SPATA16: variants seen among roughly 807,000 people sequenced by gnomAD.
The protein encoded by SPATA16 is spermatogenesis-associated protein 16.
A neutral mutation model predicts 63.3 loss-of-function variants in SPATA16; 36 were observed. That is an observed-to-expected ratio of 0.57 (90% CI 0.44 to 0.75). The LOEUF is 0.75. SPATA16 is among the 30% of genes least tolerant of loss of function. The pLI is 0.00. For synonymous variants in SPATA16, 203 were observed against 216.7 expected (o/e 0.94, Z 0.56); for missense variants, 646 against 679.3 (o/e 0.95, Z 0.54).
At chr3:173,088,176 C>T (rs1223721912) in intron 2 of SPATA16, among the ~76,000 whole-genome samples, 1 of 150,480 alleles carries the variant, frequency 6.6e-6, no homozygotes, top group African/African-American at 2.5e-5. Flanking sequence ...CCTCCGCCTC[C>T]CAGGTTCAAG....
chr3:172,946,883 GGAGGGAC>G (rs1273987002), intron 6 of SPATA16, among the ~76,000 whole-genome samples: 2 of 152,190 alleles, frequency 1.3e-5, no homozygotes, highest in African/African-American at 4.8e-5. Flanking sequence ...GTGGGTCTTG[GGAGGGAC>G]CCAGTGCTTT....
At chr3:172,894,103 T>A (rs188808588) in intron 10 of SPATA16, among the ~76,000 whole-genome samples, 6 of 152,296 alleles carry the variant, frequency 3.9e-5, no homozygotes, top group Non-Finnish European at 8.8e-5. Context: ...ACCAAAATCC[T>A]CTCGGTAAAA....
chr3:172,913,845 A>T, intron 9 of SPATA16, 101 bp from the exon 10 acceptor site: 1 of 1,025,034 alleles, frequency 9.8e-7, no homozygotes, highest in Admixed American at 2.0e-5. Flanking sequence ...TTGTACGCTG[A>T]TGATTTTATT....
chr3:173,104,137 G>A (rs1315291311), intron 2 of SPATA16, among the ~76,000 whole-genome samples: 1 of 152,134 alleles, frequency 6.6e-6, no homozygotes, highest in East Asian at 1.9e-4. Context: ...TTCCATCTGA[G>A]ACTTCATCAG....
intron 10 of SPATA16, among the ~76,000 whole-genome samples, chr3:172,892,130 C>T (rs184655753): frequency 6.6e-6 from 1 of 152,252 alleles, no homozygotes; most frequent in East Asian, 1.9e-4. Flanking sequence ...GCATTCTTTT[C>T]TTCTATAAAT....
intron 6 of SPATA16, among the ~76,000 whole-genome samples, chr3:172,928,087 T>G (rs1324266659): frequency 6.6e-6 from 1 of 151,988 alleles, no homozygotes; most frequent in Non-Finnish European, 1.5e-5. Flanking sequence ...TTTTGTATTT[T>G]TAGTAGAGAT....
intron 6 of SPATA16, among the ~76,000 whole-genome samples, chr3:172,932,714 AAC>A (rs1013352761): frequency 2.6e-5 from 4 of 152,300 alleles, no homozygotes; most frequent in South Asian, 2.1e-4. Context: ...TACTTTTAAA[AAC>A]AGATAGTATA....
chr3:172,923,472 T>G (rs1267592755), intron 8 of SPATA16, among the ~76,000 whole-genome samples: 3 of 152,198 alleles, frequency 2.0e-5, no homozygotes, highest in Admixed American at 2.0e-4. Flanking sequence ...AAATCAATGA[T>G]GTAACACAAA....
intron 2 of SPATA16, among the ~76,000 whole-genome samples, chr3:173,092,785 A>G (rs190993553): frequency 2.0e-5 from 3 of 152,302 alleles, no homozygotes; most frequent in African/African-American, 7.2e-5. Flanking sequence ...AGTTAACCAC[A>G]GAAAACAAAT....
intron 4 of SPATA16, among the ~76,000 whole-genome samples, chr3:172,984,100 T>A (rs2108256413): frequency 6.6e-6 from 1 of 152,296 alleles, no homozygotes; most frequent in South Asian, 2.1e-4. Context: ...ACTAGCCATC[T>A]GTGGTTATTT....
At chr3:172,948,694 CTGGGTTCAAGT>C (rs1733355819) in intron 6 of SPATA16, among the ~76,000 whole-genome samples, 1 of 152,020 alleles carries the variant, frequency 6.6e-6, no homozygotes, top group Non-Finnish European at 1.5e-5. Flanking sequence ...TCTTGAACTC[CTGGGTTCAAGT>C]GATTCTCCCA....
chr3:173,005,327 G>GAAA (rs531594936), intron 4 of SPATA16, among the ~76,000 whole-genome samples: 1 of 78,814 alleles, frequency 1.3e-5, no homozygotes, highest in African/African-American at 4.5e-5. Flanking sequence ...TGTCTCAAAA[G>GAAA]AAAAAAAAAA....
intron 3 of SPATA16, among the ~76,000 whole-genome samples, chr3:173,046,635 A>C (rs1290232210): frequency 6.6e-6 from 1 of 152,070 alleles, no homozygotes; most frequent in Non-Finnish European, 1.5e-5. Flanking sequence ...ATTAGTATCA[A>C]CTTTCACAAT....
intron 1 of SPATA16, among the ~76,000 whole-genome samples, chr3:173,121,429 G>A (rs1738070374): frequency 1.3e-5 from 2 of 152,042 alleles, no homozygotes; most frequent in Admixed American, 1.3e-4. Context: ...TTCATTTTCA[G>A]TCTGTCAACT....
intron 4 of SPATA16, among the ~76,000 whole-genome samples, chr3:173,009,628 G>A (rs1031456761): frequency 6.6e-6 from 1 of 152,232 alleles, no homozygotes; most frequent in African/African-American, 2.4e-5. Context: ...AGCAGCCGCA[G>A]TGCTCAGGAG....
intron 2 of SPATA16, among the ~76,000 whole-genome samples, chr3:173,086,502 A>C (rs11918563): frequency 0.037 from 5,573 of 151,858 alleles, 349 homozygotes; most frequent in African/African-American, 0.13. Context: ...TGGATTCATA[A>C]ATTTCTTGAA....
intron 8 of SPATA16, among the ~76,000 whole-genome samples, chr3:172,920,374 G>T (rs995125657): frequency 6.6e-6 from 1 of 152,188 alleles, no homozygotes; most frequent in Admixed American, 6.5e-5. Flanking sequence ...TAATGACCAG[G>T]ACTGCTCTGT....
chr3:172,964,751 T>G (rs1009933015), intron 5 of SPATA16, among the ~76,000 whole-genome samples: 1 of 152,206 alleles, frequency 6.6e-6, no homozygotes, highest in Admixed American at 6.5e-5. Context: ...TACACACAAC[T>G]AATTAATGGC....
chr3:173,079,927 G>A (rs181327852), intron 2 of SPATA16, among the ~76,000 whole-genome samples: 5 of 152,174 alleles, frequency 3.3e-5, no homozygotes, highest in Admixed American at 2.0e-4. Flanking sequence ...TGGGATAAGA[G>A]CTGTAATAGA....
Sources: allele counts gnomAD v4.1 joint callset (sites outside exome capture counted in the v4.1 genomes callset), GRCh38; gene constraint gnomAD v4.1.1; transcripts MANE v1.5; gene names NCBI Gene and HGNC (gene_info 2026-07-23, HGNC 2026-07-21).